ANTXR1: variants seen among roughly 807,000 people sequenced by gnomAD.
ANTXR1 encodes anthrax toxin receptor 1.
ANTXR1 carries 19 observed loss-of-function variants against 78.1 expected under a neutral mutation model. That is an observed-to-expected ratio of 0.24 (90% CI 0.17 to 0.36). ANTXR1 has a LOEUF of 0.36. ANTXR1 is among the 10% of genes least tolerant of loss of function. The pLI is 1.00. For synonymous variants in ANTXR1, 273 were observed against 260.5 expected, an observed-to-expected ratio of 1.05 and a Z score of -0.46; for missense variants, 518 against 718.6, an observed-to-expected ratio of 0.72 and a Z score of 3.19.
At chr2:69,205,093 T>G (rs1231900454) in intron 17 of ANTXR1, among the ~76,000 whole-genome samples, 1 of 152,182 alleles carries the variant, frequency 6.6e-6, no homozygotes, top group African/African-American at 2.4e-5. Context: ...AAAAGATCAC[T>G]AAATTACAGC....
chr2:69,133,782 C>T lies in ANTXR1; in HGVS notation c.951+9139C>T, dbSNP rs149849867. ...GCCCTTGAAAAAGCATAGCCACTGA[C>T]GCACTTTGTTATTGCTGTAATTATA... On this transcript the variant is annotated intron_variant, in intron 12 of 17. Coordinates refer to ENST00000303714, the MANE Select transcript of ANTXR1 (RefSeq NM_032208.3). 7.8e-3 allele frequency among the ~76,000 whole-genome samples: 1,180 copies of T among 152,232 alleles called. 18 individuals are homozygous for T. Among genetic ancestry groups the T allele is most frequent in the African/African-American group, 0.025 (1,050 of 41,530 alleles).
chr2:69,131,949 C>T (rs1364746061), intron 12 of ANTXR1, among the ~76,000 whole-genome samples: 1 of 152,194 alleles, frequency 6.6e-6, no homozygotes, highest in African/African-American at 2.4e-5. Context: ...GCACCAGCTC[C>T]AGTAGGAGCA....
At position 69,013,433 on chromosome 2, in the gene ANTXR1, C is replaced by T; in HGVS notation, c.-67C>T. ...GGAAGGGCCCGCGGATGGCGCGTCCCTGAGGGTCGTGGCGAGTTCGCGGAG... is the reference window on the plus strand; with the variant it reads ...GGAAGGGCCCGCGGATGGCGCGTCCTTGAGGGTCGTGGCGAGTTCGCGGAG... On this transcript the variant is annotated 5_prime_UTR_variant, in exon 1 of 18. Coordinates refer to ENST00000303714, the MANE Select transcript of ANTXR1 (RefSeq NM_032208.3). This position sits in a 1 kb window ranked among gnomAD's most constrained non-coding sequence, Gnocchi z 5.0. 2 of 1,565,876 alleles carry T rather than the reference C, an allele frequency of 1.3e-6. No individual in the cohort carries two copies. Among genetic ancestry groups the T allele is most frequent in the South Asian group, 1.2e-5 (1 of 85,366 alleles).
chr2:69,050,816 C>T (rs562069991), intron 3 of ANTXR1, among the ~76,000 whole-genome samples: 1 of 152,004 alleles, frequency 6.6e-6, no homozygotes, highest in African/African-American at 2.4e-5. Context: ...TTGTATAAAG[C>T]TATTTTCTTT....
In ANTXR1 at chr2:69,247,986, C is replaced by A. The variant is rs772261338; in HGVS notation, c.*2501C>A. 6.3e-6 allele frequency: 1 copy of A among 157,744 alleles called. No homozygotes were observed. Among genetic ancestry groups the A allele is most frequent in the Non-Finnish European group, 1.5e-5 (1 of 68,056 alleles). The allele number at this position is 157,744 out of a possible 1,614,324, so 9.8% of individuals were successfully genotyped here. A position where few individuals can be genotyped will look rare whatever the true frequency, so the allele number is the denominator to read the frequency against. ...TTAAACCGACTCAGTGTGTCATCCC[C>A]GGTTATTTAGAATTACAGTTAAGAA... On this transcript the variant is annotated 3_prime_UTR_variant, in exon 18 of 18. Transcript: ENST00000303714.
intron 17 of ANTXR1, among the ~76,000 whole-genome samples, chr2:69,241,844 C>T (rs1198033346): frequency 2.6e-5 from 4 of 152,126 alleles, no homozygotes; most frequent in South Asian, 2.1e-4. Context: ...AAACACAATG[C>T]GCCAGGCACT....
intron 9 of ANTXR1, among the ~76,000 whole-genome samples, chr2:69,101,922 T>C (rs886364948): frequency 6.6e-6 from 1 of 152,238 alleles, no homozygotes; most frequent in Admixed American, 6.5e-5. Context: ...CAACTAATTA[T>C]TGGGTTTTTT....
At chr2:69,137,203 T>C (rs986641001) in intron 12 of ANTXR1, among the ~76,000 whole-genome samples, 1 of 152,212 alleles carries the variant, frequency 6.6e-6, no homozygotes, top group Non-Finnish European at 1.5e-5. Flanking sequence ...TTTAAGTTTA[T>C]GGTTCTACTT....
chr2:69,093,864 A>T (rs186024095), intron 9 of ANTXR1, among the ~76,000 whole-genome samples: 1 of 152,182 alleles, frequency 6.6e-6, no homozygotes, highest in African/African-American at 2.4e-5. Flanking sequence ...TATTATCTTT[A>T]TTTCTTATAG....
intron 17 of ANTXR1, among the ~76,000 whole-genome samples, chr2:69,216,675 C>T (rs890242505): frequency 6.6e-6 from 1 of 152,160 alleles, no homozygotes; most frequent in Non-Finnish European, 1.5e-5. Flanking sequence ...GACCCTACTG[C>T]TCCCTCCCCT....
chr2:69,145,346 A>G, intron 12 of ANTXR1: 1 of 1,599,120 alleles, frequency 6.3e-7, no homozygotes, highest in African/African-American at 1.3e-5. Flanking sequence ...AAATTGCATC[A>G]GGCCCCACAA....
intron 17 of ANTXR1, among the ~76,000 whole-genome samples, chr2:69,226,100 A>G (rs1398735610): frequency 6.6e-6 from 1 of 152,052 alleles, no homozygotes; most frequent in Non-Finnish European, 1.5e-5. Context: ...CAGCCTCAAG[A>G]ATCCTGTTCC....
intron 3 of ANTXR1, among the ~76,000 whole-genome samples, chr2:69,070,312 G>T (rs937866120): frequency 6.6e-6 from 1 of 152,112 alleles, no homozygotes; most frequent in Non-Finnish European, 1.5e-5. Flanking sequence ...TTGTATTGCT[G>T]CCTAAGTTGC....
rs571296461 is a variant in ANTXR1 at position 69,176,425 on chromosome 2, A to G, written c.1090-5361A>G. ...CTAGGAGTTTACCTCCAAGACTGAC[A>G]TTGAGGGGATCTCCCTGACTTCTCC... is the stretch of plus-strand genomic sequence containing the variant. On this transcript the variant is annotated intron_variant, in intron 14 of 17. Coordinates refer to ENST00000303714, the MANE Select transcript of ANTXR1 (RefSeq NM_032208.3). Among the ~76,000 whole-genome samples the G allele has an allele frequency of 2.3e-4, 35 of 152,302 alleles. No homozygotes were observed. In the South Asian group the frequency reaches 7.0e-3, roughly 31 times the overall value.
intron 17 of ANTXR1, among the ~76,000 whole-genome samples, chr2:69,214,399 C>G (rs77135793): frequency 0.053 from 8,073 of 152,310 alleles, 569 homozygotes; most frequent in African/African-American, 0.16. Flanking sequence ...CCTGCCACCA[C>G]ATACAGCCAT....
chr2:69,249,271 A>G lies in ANTXR1; in HGVS notation c.*3786A>G, dbSNP rs1449338768. On this transcript the variant is annotated 3_prime_UTR_variant, in exon 18 of 18. Transcript: ENST00000303714. Reference sequence around the variant, plus strand: ...CTATAGGAGACTGGGCAAAACCTGTACAATGACAACCCTGGAAGTTGCTTT... The same window carrying G: ...CTATAGGAGACTGGGCAAAACCTGTGCAATGACAACCCTGGAAGTTGCTTT... 6.6e-6 allele frequency: 1 copy of G among 152,250 alleles called. No homozygotes were observed. Among genetic ancestry groups the G allele is most frequent in the Non-Finnish European group, 1.5e-5 (1 of 68,048 alleles). The allele number at this position is 152,250 out of a possible 1,614,324, so 9.4% of individuals were successfully genotyped here. A position where few individuals can be genotyped will look rare whatever the true frequency, so the allele number is the denominator to read the frequency against.
At chr2:69,024,792 C>T (rs1671294604) in intron 1 of ANTXR1, among the ~76,000 whole-genome samples, 1 of 152,168 alleles carries the variant, frequency 6.6e-6, no homozygotes. Flanking sequence ...TCACCATTTT[C>T]ACCCAGTTAT....
chr2:69,146,028 G>A, intron 12 of ANTXR1: 2 of 985,480 alleles, frequency 2.0e-6, no homozygotes, highest in Non-Finnish European at 2.4e-6. Context: ...AGAAAGCCAT[G>A]ATGCAGGGAT....
chr2:69,127,857 G>T (rs1672592832), intron 12 of ANTXR1, among the ~76,000 whole-genome samples: 1 of 152,142 alleles, frequency 6.6e-6, no homozygotes, highest in African/African-American at 2.4e-5. Context: ...GACAGAGGGA[G>T]AAGAAGACTT....
Sources: gnomAD v4.1 joint callset for allele counts (sites outside exome capture counted in the v4.1 genomes callset) on GRCh38, gnomAD v4.1.1 for gene constraint, Gnocchi (gnomAD v3.1) non-coding constraint, MANE v1.5 for transcripts, NCBI Gene and HGNC (gene_info 2026-07-23, HGNC 2026-07-21) for gene names.